Variants in PEG3 observed in about 807,000 individuals in gnomAD.
PEG3 encodes paternally-expressed gene 3 protein.
In PEG3, 23 loss-of-function variants were observed where a neutral mutation model predicts 35.5. The ratio of observed to expected loss-of-function variants is 0.65; its 90% confidence interval spans 0.47 to 0.92. The LOEUF is 0.92. Ranked by LOEUF, PEG3 falls within the 40% of genes least tolerant of loss-of-function variation. The pLI is 0.00. For synonymous variants in PEG3, 707 were observed against 697.0 expected (o/e 1.01, Z -0.23); for missense variants, 1,960 against 1,985.3 (o/e 0.99, Z 0.24).
Position 56,810,174 on chromosome 19 carries a change from G to T in PEG3, c.*3501C>A. 1 of 980,448 alleles carries T rather than the reference G, an allele frequency of 1.0e-6. No individual in the cohort carries two copies. Among genetic ancestry groups the T allele is most frequent in the Non-Finnish European group, 1.2e-6 (1 of 825,456 alleles). The allele number at this position is 980,448 out of a possible 1,614,324, so 60.7% of individuals were successfully genotyped here. ...ACCAAAAACCTGTGCACAGAAACAA[G>T]ATGAAGAAAATATATCAAGATGTTA... On this transcript the variant is annotated 3_prime_UTR_variant, in exon 10 of 10. Coordinates refer to ENST00000326441, the MANE Select transcript of PEG3 (RefSeq NM_006210.3).
chr19:56,836,036 C>A lies in PEG3; in HGVS notation c.-181G>T. 1 of 511,718 alleles carries A rather than the reference C, an allele frequency of 2.0e-6. No homozygotes were observed. The highest frequency in any genetic ancestry group is 3.9e-6 in the Non-Finnish European group (1 of 256,618). 31.7% of individuals were successfully genotyped at this position (511,718 alleles called of 1,614,324 possible). On this transcript the variant is annotated 5_prime_UTR_variant, in exon 2 of 10. Coordinates refer to ENST00000326441, the MANE Select transcript of PEG3 (RefSeq NM_006210.3). ...AACTCACCTGGACCCAGCCACCTAGCGTTTGGACCTAGTCCCTCTTCCTCT... is the reference window on the plus strand; with the variant it reads ...AACTCACCTGGACCCAGCCACCTAGAGTTTGGACCTAGTCCCTCTTCCTCT...
At chr19:56,825,821 A>G (rs111770783) in intron 3 of PEG3, among the ~76,000 whole-genome samples, 3,347 of 152,328 alleles carry the variant, frequency 0.022, 55 homozygotes, top group Middle Eastern at 0.034. Context: ...TTTAATTTGG[A>G]AAAAGTCTAA....
In PEG3 at chr19:56,816,633, C is replaced by T; in HGVS notation, c.1809G>A (p.Glu603=). Residue 603 remains glutamate (E), a synonymous_variant, in exon 10 of 10, where the codon GAG becomes GAA. Transcript: ENST00000326441. ...EREHERERER[E]RGETFRPSPA... The stretch of plus-strand genomic sequence containing the variant: ...GGCTGGGCCTAAAGGTTTCCCCGCG[C>T]TCACGTTCACGTTCACGTTCATGTT... 6.2e-7 allele frequency: 1 copy of T among 1,613,766 alleles called. No homozygotes were observed. Among genetic ancestry groups the T allele is most frequent in the Non-Finnish European group, 8.5e-7 (1 of 1,179,772 alleles).
intron 3 of PEG3, among the ~76,000 whole-genome samples, chr19:56,825,502 A>G (rs1196786743): frequency 1.3e-5 from 2 of 152,118 alleles, no homozygotes; most frequent in Non-Finnish European, 2.9e-5. Context: ...TTATTTTATT[A>G]TCTGCCCCCT....
chr19:56,815,515 T>C lies in PEG3; in HGVS notation c.2927A>G (p.Glu976Gly), dbSNP rs772504413. Residue 976 changes from glutamate (E) to glycine (G), a missense_variant, in exon 10 of 10, where the codon GAG (glutamate) becomes GGG (glycine). Glu to Gly is a moderately conservative substitution (Grantham distance 98). Coordinates refer to ENST00000326441, the MANE Select transcript of PEG3 (RefSeq NM_006210.3). ...GMLYECQECG[E>G]CFAHSSDLTE... ...GAGGTCAGAGCTATGAGCAAAGCAC[T>C]CCCCACACTCCTGACATTCATAGAG... 1 of 1,614,112 alleles carries C rather than the reference T, an allele frequency of 6.2e-7. No individual in the cohort carries two copies. The highest frequency in any genetic ancestry group is 1.1e-5 in the South Asian group (1 of 91,078).
At chr19:56,822,334 T>G (rs2060576473) in intron 6 of PEG3, among the ~76,000 whole-genome samples, 1 of 152,226 alleles carries the variant, frequency 6.6e-6, no homozygotes, top group Non-Finnish European at 1.5e-5. Flanking sequence ...TCAGGCCTGG[T>G]GCTCAGATGT....
At position 56,811,809 on chromosome 19, in the gene PEG3, C is replaced by T. The variant is rs1414364015; in HGVS notation, c.*1866G>A. ...AACTCCTTTTCCAAACTGCTCAGGACACCCCGCTCAATTCATTCTCAGAAA... is the reference window on the plus strand; with the variant it reads ...AACTCCTTTTCCAAACTGCTCAGGATACCCCGCTCAATTCATTCTCAGAAA... On this transcript the variant is annotated 3_prime_UTR_variant, in exon 10 of 10. Coordinates refer to ENST00000326441, the MANE Select transcript of PEG3 (RefSeq NM_006210.3). 1 of 985,548 alleles carries T rather than the reference C, an allele frequency of 1.0e-6. No individual in the cohort carries two copies. The highest frequency in any genetic ancestry group is 1.2e-6 in the Non-Finnish European group (1 of 830,018). The allele number at this position is 985,548 out of a possible 1,614,324, so 61.1% of individuals were successfully genotyped here.
At chr19:56,828,883 T>C (rs2146469562) in intron 2 of PEG3, among the ~76,000 whole-genome samples, 1 of 152,262 alleles carries the variant, frequency 6.6e-6, no homozygotes, top group South Asian at 2.1e-4. Context: ...AAATTGATGC[T>C]AGTGAGGGTG....
intron 7 of PEG3, among the ~76,000 whole-genome samples, chr19:56,819,083 A>C (rs910061622): frequency 3.9e-5 from 6 of 152,184 alleles, no homozygotes; most frequent in African/African-American, 1.4e-4. Context: ...AGGTTTGTGG[A>C]GGGCAGGTGG....
chr19:56,834,093 C>A (rs1010489225), intron 2 of PEG3, among the ~76,000 whole-genome samples: 1 of 152,112 alleles, frequency 6.6e-6, no homozygotes, highest in African/African-American at 2.4e-5. Flanking sequence ...TTTAAAGAGA[C>A]AAAATGTCTT....
chr19:56,810,193 G>T lies in PEG3; in HGVS notation c.*3482C>A. 1 of 980,450 alleles carries T rather than the reference G, an allele frequency of 1.0e-6. No individual in the cohort carries two copies. The highest frequency in any genetic ancestry group is 1.2e-6 in the Non-Finnish European group (1 of 825,584). 60.7% of individuals were successfully genotyped at this position (980,450 alleles called of 1,614,324 possible). A position where few individuals can be genotyped will look rare whatever the true frequency, so the allele number is the denominator to read the frequency against. ...AAACAAGATGAAGAAAATATATCAA[G>T]ATGTTAACCACACTCTTTGGATGGT... On this transcript the variant is annotated 3_prime_UTR_variant, in exon 10 of 10. Transcript: ENST00000326441.
At chr19:56,830,061 C>T (rs922083334) in intron 2 of PEG3, among the ~76,000 whole-genome samples, 1 of 152,218 alleles carries the variant, frequency 6.6e-6, no homozygotes, top group Non-Finnish European at 1.5e-5. Flanking sequence ...TCAATAAAAA[C>T]GTAGCTTATT....
At chr19:56,836,346 A>C (rs184033977) in intron 1 of PEG3, among the ~76,000 whole-genome samples, 18 of 152,262 alleles carry the variant, frequency 1.2e-4, no homozygotes, top group Admixed American at 5.9e-4. Context: ...CATTCAAGTC[A>C]ATTTCTGGGG....
At chr19:56,821,952 G>A (rs1470636550) in intron 6 of PEG3, among the ~76,000 whole-genome samples, 198 bp from the exon 7 acceptor site, 1 of 151,870 alleles carries the variant, frequency 6.6e-6, no homozygotes, top group East Asian at 1.9e-4. Context: ...CCAGGGCAGG[G>A]CCAGGGGCCC....
chr19:56,838,565 A>G (rs933105317), intron 1 of PEG3, among the ~76,000 whole-genome samples: 31 of 152,298 alleles, frequency 2.0e-4, no homozygotes, highest in African/African-American at 6.7e-4. Context: ...TGTGGTGAAC[A>G]AAGTCTTGGT....
intron 9 of PEG3, 49 bp from the exon 10 acceptor site, chr19:56,817,628 A>T: frequency 6.5e-7 from 1 of 1,536,038 alleles, no homozygotes; most frequent in African/African-American, 1.4e-5. Context: ...CATAAGAAGG[A>T]CAGTGGGACT....
chr19:56,817,801 C>T lies in PEG3; in HGVS notation c.807G>A (p.Met269Ile). Residue 269 changes from methionine to isoleucine, a missense_variant, in exon 9 of 10, where the codon ATG becomes ATA. This residue lies in a region of PEG3 where 613 missense variants were observed against 577.1 expected (regional missense o/e 1.06). Coordinates refer to ENST00000326441, the MANE Select transcript of PEG3 (RefSeq NM_006210.3). ...TGGATCTTGATGAGTGGCCCTGCGT[C>T]ATGTGGGAGTGGCCATCGTCTTCAG... ...QLAEDDGHSH[M>I]TQGHSSRSKR... is the part of the protein sequence containing the mutation. 1.2e-6 allele frequency: 2 copies of T among 1,614,122 alleles called. No homozygotes were observed. Among genetic ancestry groups the T allele is most frequent in the Non-Finnish European group, 1.7e-6 (2 of 1,180,030 alleles).
At position 56,824,304 on chromosome 19, in the gene PEG3, C is replaced by T. The variant is rs747010640; in HGVS notation, c.352G>A (p.Val118Ile). 2.5e-5 allele frequency: 41 copies of T among 1,614,070 alleles called. No individual in the cohort carries two copies. Among genetic ancestry groups the T allele is most frequent in the South Asian group, 4.4e-5 (4 of 91,072 alleles). Residue 118 changes from valine (V) to isoleucine (I), a missense_variant, in exon 4 of 10, where the codon GTC (valine) becomes ATC (isoleucine). Coordinates refer to ENST00000326441, the MANE Select transcript of PEG3 (RefSeq NM_006210.3). ...AKKPENCEKL[V>I]TLLENYKEMY... ...TCCTTGTAATTCTCCAGCAGAGTGA[C>T]GAGCTTCTCACAGTTCTCCGGCTTT...
At chr19:56,822,199 G>A (rs1368779421) in intron 6 of PEG3, among the ~76,000 whole-genome samples, 1 of 152,116 alleles carries the variant, frequency 6.6e-6, no homozygotes, top group Non-Finnish European at 1.5e-5. Context: ...TCCTTCTCCT[G>A]ATCAATTTTA....
Sources: gnomAD v4.1 joint callset for allele counts (sites outside exome capture counted in the v4.1 genomes callset) on GRCh38, gnomAD v4.1.1 for gene constraint, gnomAD v4.1.1 regional missense constraint, MANE v1.5 for transcripts, NCBI Gene and HGNC (gene_info 2026-07-23, HGNC 2026-07-21) for gene names.